DAZAP1: variants seen among roughly 807,000 people sequenced by gnomAD.
DAZAP1 encodes the protein DAZ associated protein 1.
Under a neutral mutation model 60.1 loss-of-function variants are expected in DAZAP1, and 6 were observed. The observed-to-expected ratio is 0.10, with a 90% CI of 0.05 to 0.20. The LOEUF is 0.20. Ranked by LOEUF, DAZAP1 falls within the 10% of genes least tolerant of loss-of-function variation. The pLI is 1.00. For synonymous variants in DAZAP1, 235 were observed against 215.9 expected, an observed-to-expected ratio of 1.09 and a Z score of -0.78; for missense variants, 366 against 560.4, an observed-to-expected ratio of 0.65 and a Z score of 3.50.
At chr19:1,412,054 G>T (rs539057189) in intron 1 of DAZAP1, among the ~76,000 whole-genome samples, 2 of 152,358 alleles carry the variant, frequency 1.3e-5, no homozygotes, top group South Asian at 2.1e-4. Context: ...ACACTGGTCC[G>T]CCTGGGAGGG....
chr19:1,420,846 C>T (rs1346264339), intron 4 of DAZAP1, among the ~76,000 whole-genome samples: 1 of 152,232 alleles, frequency 6.6e-6, no homozygotes, highest in African/African-American at 2.4e-5. Context: ...CACTTTTCCA[C>T]GTGGCAGTGG....
At chr19:1,407,970 G>T (rs981879393) in intron 1 of DAZAP1, among the ~76,000 whole-genome samples, 168 bp downstream of exon 1, 7 of 151,564 alleles carry the variant, frequency 4.6e-5, no homozygotes, top group African/African-American at 7.3e-5. Flanking sequence ...GGCCCTGGAC[G>T]GGTGCCCGGG....
At chr19:1,429,853 A>C (rs546840918) in intron 8 of DAZAP1, 114 bp from the exon 9 acceptor site, 11 of 1,320,300 alleles carry the variant, frequency 8.3e-6, no homozygotes, top group Non-Finnish European at 1.2e-5. Flanking sequence ...GGCTCTAAGC[A>C]CAGGAGGCTC....
Position 1,422,845 on chromosome 19 carries a change from C to CT in DAZAP1, c.463+453dup, listed in dbSNP as rs113612105. Among the ~76,000 whole-genome samples, 6 of 148,934 alleles carry CT rather than the reference C, an allele frequency of 4.0e-5. No individual in the cohort carries two copies. Among genetic ancestry groups the CT allele is most frequent in the East Asian group, 2.0e-4 (1 of 5,030 alleles). ...TTTTCTTTCTTTCTTTTTTCCTTTT[C>CT]TTTTCTTTTTCTTTTTTTTCAGTTT... On this transcript the variant is annotated intron_variant, in intron 6 of 11. Coordinates refer to ENST00000233078, the MANE Select transcript of DAZAP1 (RefSeq NM_018959.4). The surrounding 1 kb of genome is among the most constrained non-coding windows in gnomAD (Gnocchi z 4.5).
In DAZAP1 at chr19:1,432,590, C is replaced by A; in HGVS notation, c.948C>A (p.Pro316=). 1.9e-6 allele frequency: 3 copies of A among 1,613,722 alleles called. No individual in the cohort carries two copies. The highest frequency in any genetic ancestry group is 2.5e-6 in the Non-Finnish European group (3 of 1,179,984). The change falls in exon 11 of 12, where the codon CCC becomes CCA. Residue 316 remains proline (P), a synonymous_variant. Transcript: ENST00000233078. The surrounding 1 kb of genome is among the most constrained non-coding windows in gnomAD (Gnocchi z 4.9). ...PPGVPPPPAT[P]GAAPLAFPPP... ...GGGTTCCTCCTCCACCAGCCACTCCCGGGGCAGCACCTCTGGCTTTCCCAC... is the reference window on the plus strand; with the variant it reads ...GGGTTCCTCCTCCACCAGCCACTCCAGGGGCAGCACCTCTGGCTTTCCCAC...
At position 1,428,738 on chromosome 19, in the gene DAZAP1, T is replaced by C. The variant is rs2083365775; in HGVS notation, c.547-104T>C. 2 of 1,352,968 alleles carry C rather than the reference T, an allele frequency of 1.5e-6. No homozygotes were observed. Among genetic ancestry groups the C allele is most frequent in the African/African-American group, 1.5e-5 (1 of 67,976 alleles). 83.8% of individuals were successfully genotyped at this position (1,352,968 alleles called of 1,614,324 possible). The stretch of plus-strand genomic sequence containing the variant: ...TATAGTTAAGTATTTAGTCTTAAGT[T>C]GTAAGATGCTAAGTGTAGTCATAAG... On this transcript the variant is annotated intron_variant, in intron 7 of 11. Transcript: ENST00000233078. This position sits in a 1 kb window ranked among gnomAD's most constrained non-coding sequence, Gnocchi z 4.0.
chr19:1,430,254 G>GCCCCCCC lies in DAZAP1; in HGVS notation c.764_770dup (p.Pro260AlafsTer169). 2.3e-6 allele frequency: 3 copies of GCCCCCCC among 1,295,246 alleles called. No individual in the cohort carries two copies. The highest frequency in any genetic ancestry group is 3.2e-6 in the Non-Finnish European group (3 of 924,068). 80.2% of individuals were successfully genotyped at this position (1,295,246 alleles called of 1,614,324 possible). On this transcript the variant is annotated frameshift_variant, in exon 10 of 12. Coordinates refer to ENST00000233078, the MANE Select transcript of DAZAP1 (RefSeq NM_018959.4). LOFTEE classifies it high-confidence loss of function. ...TGGACCGCCCCCTGCAGGAAGAGGA[G>GCCCCCCC]CCCCCCCGCCACCCCCACCGTTCAC...
In DAZAP1 at chr19:1,432,880, G is replaced by A. The variant is rs1207203516; in HGVS notation, c.1048+190G>A. ...CAACTCGGGTCCAGCAGAAGGGAGC[G>A]TGGGAGTCTTGTCGCAGCAGAGCAC... On this transcript the variant is annotated intron_variant, in intron 11 of 11. Transcript: ENST00000233078. This position sits in a 1 kb window ranked among gnomAD's most constrained non-coding sequence, Gnocchi z 4.9. The A allele has an allele frequency of 1.6e-5, 10 of 622,722 alleles. No individual in the cohort carries two copies. The highest frequency in any genetic ancestry group is 9.2e-5 in the African/African-American group (5 of 54,166). The allele number at this position is 622,722 out of a possible 1,614,324, so 38.6% of individuals were successfully genotyped here. A position where few individuals can be genotyped will look rare whatever the true frequency, so the allele number is the denominator to read the frequency against.
At chr19:1,411,391 T>TG (rs1391194526) in intron 1 of DAZAP1, among the ~76,000 whole-genome samples, 1 of 152,180 alleles carries the variant, frequency 6.6e-6, no homozygotes, top group East Asian at 1.9e-4. Context: ...AGTGTCCTGC[T>TG]GGGGGGAGAG....
intron 1 of DAZAP1, among the ~76,000 whole-genome samples, chr19:1,413,262 C>T (rs1024248720): frequency 5.3e-5 from 8 of 152,368 alleles, no homozygotes; most frequent in African/African-American, 1.9e-4. Context: ...GCCCGGCTTC[C>T]TGGACTCCGA....
chr19:1,425,444 A>G lies in DAZAP1; in HGVS notation c.464-434A>G, dbSNP rs2083283162. On this transcript the variant is annotated intron_variant, in intron 6 of 11. Transcript: ENST00000233078. This position sits in a 1 kb window ranked among gnomAD's most constrained non-coding sequence, Gnocchi z 5.4. ...CCCCGGCCTGCAGGGTTCACTGGCAATCTCCCCACAGGCGAGAGCCAGAAT... is the reference window on the plus strand; with the variant it reads ...CCCCGGCCTGCAGGGTTCACTGGCAGTCTCCCCACAGGCGAGAGCCAGAAT... Among the ~76,000 whole-genome samples the G allele has an allele frequency of 4.6e-5, 7 of 152,122 alleles. No individual in the cohort carries two copies. Among genetic ancestry groups the G allele is most frequent in the Admixed American group, 4.6e-4 (7 of 15,282 alleles).
At position 1,434,026 on chromosome 19, in the gene DAZAP1, C is replaced by T. The variant is rs1452046742; in HGVS notation, c.1049-711C>T. ...GAGAGCCCACGCCCACCTGTGCCCA[C>T]GTGCACCCGAATGGGAACCCAGAGG... is the stretch of plus-strand genomic sequence containing the variant. On this transcript the variant is annotated intron_variant, in intron 11 of 11. Transcript: ENST00000233078. The surrounding 1 kb of genome is among the most constrained non-coding windows in gnomAD (Gnocchi z 8.0). 5 of 592,592 alleles carry T rather than the reference C, an allele frequency of 8.4e-6. No homozygotes were observed. Among genetic ancestry groups the T allele is most frequent in the Admixed American group, 3.0e-5 (1 of 33,268 alleles). 36.7% of individuals were successfully genotyped at this position (592,592 alleles called of 1,614,324 possible).
At chr19:1,427,024 A>C (rs903465720) in intron 7 of DAZAP1, 1 of 152,222 alleles carries the variant, frequency 6.6e-6, no homozygotes, top group African/African-American at 2.4e-5. Context: ...TAGCATGTGT[A>C]GTTATTTTTG....
intron 1 of DAZAP1, among the ~76,000 whole-genome samples, chr19:1,415,391 T>TGTG (rs1435062318): frequency 5.9e-4 from 37 of 62,394 alleles, no homozygotes; most frequent in Non-Finnish European, 1.2e-3. Context: ...GTGTGTGTGT[T>TGTG]TTGTTTTTTT....
chr19:1,433,443 C>T lies in DAZAP1; in HGVS notation c.1048+753C>T, dbSNP rs998110075. On this transcript the variant is annotated intron_variant, in intron 11 of 11. Coordinates refer to ENST00000233078, the MANE Select transcript of DAZAP1 (RefSeq NM_018959.4). The surrounding 1 kb of genome is among the most constrained non-coding windows in gnomAD (Gnocchi z 6.1). ...CTGTCTGCAGGTGGCCACGGGCTTCCGGGGTGCCTGTGAACACGCTTCCTC... is the reference window on the plus strand; with the variant it reads ...CTGTCTGCAGGTGGCCACGGGCTTCTGGGGTGCCTGTGAACACGCTTCCTC... The T allele has an allele frequency of 5.8e-5, 25 of 427,760 alleles. No homozygotes were observed. The highest frequency in any genetic ancestry group is 4.3e-4 in the African/African-American group (21 of 49,200). 26.5% of individuals were successfully genotyped at this position (427,760 alleles called of 1,614,324 possible). A position where few individuals can be genotyped will look rare whatever the true frequency, so the allele number is the denominator to read the frequency against.
intron 4 of DAZAP1, 115 bp from the exon 5 acceptor site, chr19:1,421,033 C>T (rs2083139731): frequency 1.2e-6 from 1 of 859,510 alleles, no homozygotes; most frequent in African/African-American, 1.7e-5. Flanking sequence ...GTGTTCTGCT[C>T]TGGCTTTCAG....
At position 1,426,251 on chromosome 19, in the gene DAZAP1, G is replaced by C. The variant is rs1600230785; in HGVS notation, c.546+291G>C. The C allele has an allele frequency of 2.4e-6, 1 of 409,800 alleles. No homozygotes were observed. The highest frequency in any genetic ancestry group is 5.1e-5 in the East Asian group (1 of 19,780). The allele number at this position is 409,800 out of a possible 1,614,324, so 25.4% of individuals were successfully genotyped here. ...GGGCTGGGAGGCTGTGGCGGTGTTG[G>C]GGCTGGCTCCAGTGAAACCGCAGCG... is the stretch of plus-strand genomic sequence containing the variant. On this transcript the variant is annotated intron_variant, in intron 7 of 11. Transcript: ENST00000233078. The surrounding 1 kb of genome is among the most constrained non-coding windows in gnomAD (Gnocchi z 5.4).
At position 1,418,877 on chromosome 19, in the gene DAZAP1, C is replaced by T; in HGVS notation, c.303+146C>T. 1 of 757,866 alleles carries T rather than the reference C, an allele frequency of 1.3e-6. No individual in the cohort carries two copies. Among genetic ancestry groups the T allele is most frequent in the Non-Finnish European group, 2.1e-6 (1 of 469,652 alleles). 46.9% of individuals were successfully genotyped at this position (757,866 alleles called of 1,614,324 possible). A position where few individuals can be genotyped will look rare whatever the true frequency, so the allele number is the denominator to read the frequency against. ...TGGCACTCGAGCAGCTGAGGATCAC[C>T]CAGATTTATCAGTGCCGTGAGTGTT... On this transcript the variant is annotated intron_variant, in intron 4 of 11. Coordinates refer to ENST00000233078, the MANE Select transcript of DAZAP1 (RefSeq NM_018959.4). The surrounding 1 kb of genome is among the most constrained non-coding windows in gnomAD (Gnocchi z 5.7).
chr19:1,432,906 T>A lies in DAZAP1; in HGVS notation c.1048+216T>A. The A allele has an allele frequency of 1.7e-6, 1 of 576,444 alleles. No individual in the cohort carries two copies. Among genetic ancestry groups the A allele is most frequent in the Non-Finnish European group, 3.0e-6 (1 of 328,308 alleles). 35.7% of individuals were successfully genotyped at this position (576,444 alleles called of 1,614,324 possible). On this transcript the variant is annotated intron_variant, in intron 11 of 11. Transcript: ENST00000233078. This position sits in a 1 kb window ranked among gnomAD's most constrained non-coding sequence, Gnocchi z 4.9. ...TGGGAGTCTTGTCGCAGCAGAGCAC[T>A]CGTCATACAGCAGGTGCTGCAGGGC...
Sources: allele counts gnomAD v4.1 joint callset (sites outside exome capture counted in the v4.1 genomes callset), GRCh38; gene constraint gnomAD v4.1.1; non-coding constraint Gnocchi (gnomAD v3.1); transcripts MANE v1.5; gene names NCBI Gene and HGNC (gene_info 2026-07-23, HGNC 2026-07-21).